Variants in VWF observed in about 807,000 individuals in gnomAD.
VWF encodes Factor VIII related antigen.
In VWF, 176 loss-of-function variants were observed where a neutral mutation model predicts 308.6. The observed-to-expected ratio is 0.57, with a 90% CI of 0.50 to 0.65. The LOEUF is 0.65. Among genes scored for constraint, VWF ranks in the 30% least tolerant of loss-of-function variants. The pLI, the probability that VWF is intolerant of heterozygous loss-of-function variation, is 0.00. For missense variants in VWF, 3,146 were observed against 3,648.2 expected (o/e 0.86, Z 3.55); for synonymous variants, 1,385 against 1,443.4 (o/e 0.96, Z 0.92).
Position 6,060,418 on chromosome 12 carries a change from G to A in VWF, c.1534-2374C>T, listed in dbSNP as rs1944641723. On this transcript the variant is annotated intron_variant, in intron 13 of 51. Coordinates refer to ENST00000261405, the MANE Select transcript of VWF (RefSeq NM_000552.5). This position sits in a 1 kb window ranked among gnomAD's most constrained non-coding sequence, Gnocchi z 5.1. ...CTGCACCTCCTCTTGCACCGCCTCTGCCCCAGCTGGCCTCCCTCCAGCTCT... is the reference window on the plus strand; with the variant it reads ...CTGCACCTCCTCTTGCACCGCCTCTACCCCAGCTGGCCTCCCTCCAGCTCT... 6.6e-6 allele frequency among the ~76,000 whole-genome samples: 1 copy of A among 151,872 alleles called. No individual in the cohort carries two copies. The highest frequency in any genetic ancestry group is 2.1e-4 in the South Asian group (1 of 4,820).
chr12:6,003,723 G>A (rs1423537608), intron 34 of VWF, among the ~76,000 whole-genome samples: 1 of 151,916 alleles, frequency 6.6e-6, no homozygotes, highest in Non-Finnish European at 1.5e-5. Flanking sequence ...ATTGTCTAAT[G>A]AATAAAGCAT....
rs1466660500 is a variant in VWF, at chr12:6,065,397, A to G, written c.1157-124T>C. ...AAAACTGCATGGACGTCCTTTGCCC[A>G]AACCAGTCTAAAAACAAGTTCTACG... On this transcript the variant is annotated intron_variant, in intron 10 of 51. Coordinates refer to ENST00000261405, the MANE Select transcript of VWF (RefSeq NM_000552.5). 3.2e-6 allele frequency: 4 copies of G among 1,258,200 alleles called. No homozygotes were observed. The Admixed American group carries it at 7.9e-5, about 25-fold the overall frequency. 77.9% of individuals were successfully genotyped at this position (1,258,200 alleles called of 1,614,324 possible). A position where few individuals can be genotyped will look rare whatever the true frequency, so the allele number is the denominator to read the frequency against.
At position 5,985,063 on chromosome 12, in the gene VWF, A is replaced by T; in HGVS notation, c.6958T>A (p.Cys2320Ser). ...CACATACCACACTCATACTCGGGGC[A>T]GCACTGGTCTGCATTCTGGCGGAGG... ...ARLRQNADQCCPEYECVCDPV... is the reference protein window; with the variant it reads ...ARLRQNADQCSPEYECVCDPV... The change falls in exon 40 of 52, where the codon TGC becomes AGC. Residue 2320 changes from cysteine (C) to serine (S), a missense_variant. Around this residue, in one of 3 missense-constraint regions of VWF, gnomAD observed 989 missense variants for 1,117.4 expected, o/e 0.89. Coordinates refer to ENST00000261405, the MANE Select transcript of VWF (RefSeq NM_000552.5). The T allele has an allele frequency of 6.2e-7, 1 of 1,614,198 alleles. No homozygotes were observed. Among genetic ancestry groups the T allele is most frequent in the Non-Finnish European group, 8.5e-7 (1 of 1,180,032 alleles).
In VWF at chr12:6,053,527, G is replaced by A. The variant is rs1591887114; in HGVS notation, c.1946-744C>T. ...ACAGCGAAATGGGCTGCACCCATCT[G>A]CCCACAGCCCTCACCCTCCCTAGCC... On this transcript the variant is annotated intron_variant, in intron 15 of 51. Transcript: ENST00000261405. Among the ~76,000 whole-genome samples the A allele has an allele frequency of 2.0e-5, 3 of 152,252 alleles. 1 individual carries two copies. Among genetic ancestry groups the A allele is most frequent in the South Asian group, 4.1e-4 (2 of 4,824 alleles).
rs112387914 is a variant in VWF, at chr12:6,072,156, C to A, written c.1109+175G>T. ...ATTTATCTGTAATATACTCTTTGCT[C>A]CCCATCATTGCCTGCCACACCTGTC... is the stretch of plus-strand genomic sequence containing the variant. On this transcript the variant is annotated intron_variant, in intron 9 of 51. Coordinates refer to ENST00000261405, the MANE Select transcript of VWF (RefSeq NM_000552.5). Among the ~76,000 whole-genome samples the A allele has an allele frequency of 7.4e-3, 1,132 of 152,258 alleles. 16 individuals carry two copies. The highest frequency in any genetic ancestry group is 0.025 in the African/African-American group (1,044 of 41,532).
chr12:5,964,939 G>A (rs1943383363), intron 47 of VWF, among the ~76,000 whole-genome samples: 1 of 152,176 alleles, frequency 6.6e-6, no homozygotes, highest in African/African-American at 2.4e-5. Flanking sequence ...GGAGGAGAGA[G>A]CATGGAAGTG....
chr12:6,072,172 C>T (rs940909500), intron 9 of VWF, among the ~76,000 whole-genome samples, 159 bp downstream of exon 9: 1 of 152,152 alleles, frequency 6.6e-6, no homozygotes, highest in African/African-American at 2.4e-5. Flanking sequence ...CATTGCCTGC[C>T]ACACCTGTCC....
Position 6,025,573 on chromosome 12 carries a change from T to C in VWF, c.3222+7A>G, listed in dbSNP as rs370941418. ...CGTCTGCTTCCCACTACCCTCAAGG[T>C]CCTCACCAGCTTGTTGCAGTCCTGG... On this transcript the variant is annotated splice_region_variant and intron_variant, in intron 24 of 51. Coordinates refer to ENST00000261405, the MANE Select transcript of VWF (RefSeq NM_000552.5). The C allele has an allele frequency of 1.3e-5, 20 of 1,485,282 alleles. No homozygotes were observed. The highest frequency in any genetic ancestry group is 1.8e-5 in the Non-Finnish European group (19 of 1,065,320). 92.0% of individuals were successfully genotyped at this position (1,485,282 alleles called of 1,614,324 possible). A position where few individuals can be genotyped will look rare whatever the true frequency, so the allele number is the denominator to read the frequency against.
At chr12:6,003,404 C>T (rs150534152) in intron 34 of VWF, among the ~76,000 whole-genome samples, 1 of 151,700 alleles carries the variant, frequency 6.6e-6, no homozygotes, top group East Asian at 1.9e-4. Context: ...ATTCAAAGTA[C>T]AGCATTATAA....
rs540514802 is a variant in VWF at position 6,013,231 on chromosome 12, G to A, written c.5620+250C>T. Among the ~76,000 whole-genome samples, 8 of 152,302 alleles carry A rather than the reference G, an allele frequency of 5.3e-5. No homozygotes were observed. The East Asian group carries it at 1.5e-3, about 29-fold the overall frequency. On this transcript the variant is annotated intron_variant, in intron 32 of 51. Transcript: ENST00000261405. The stretch of plus-strand genomic sequence containing the variant: ...AATAAGCTTAGGCTCTCTCTGCCAA[G>A]TTCACATGGACAATTAGAGTGGAAA...
intron 47 of VWF, among the ~76,000 whole-genome samples, chr12:5,963,448 G>T (rs1943341216): frequency 6.6e-6 from 1 of 152,186 alleles, no homozygotes; most frequent in Non-Finnish European, 1.5e-5. Flanking sequence ...AAAAATGCTA[G>T]AAGATATCAC....
intron 43 of VWF, among the ~76,000 whole-genome samples, chr12:5,975,493 GC>G (rs1369513419): frequency 6.6e-6 from 1 of 152,152 alleles, no homozygotes; most frequent in Non-Finnish European, 1.5e-5. Flanking sequence ...AGCCTCAGGG[GC>G]AGCCACCACG....
intron 47 of VWF, among the ~76,000 whole-genome samples, chr12:5,958,641 A>AAG (rs1943277278): frequency 6.6e-6 from 1 of 151,922 alleles, no homozygotes; most frequent in Non-Finnish European, 1.5e-5. Context: ...ATGAGCCATG[A>AAG]TCATACCGCT....
rs565923330 is a variant in VWF at position 6,032,646 on chromosome 12, A to G, written c.2686-1068T>C. 2.0e-5 allele frequency among the ~76,000 whole-genome samples: 3 copies of G among 152,228 alleles called. No homozygotes were observed. The South Asian group carries it at 6.2e-4, about 32-fold the overall frequency. Reference sequence around the variant, plus strand: ...GAGCGAGACTCTGTCTCAAAAAAAAAAAGAAAAAATAAAAACAAGGTGTGA... The same window carrying G: ...GAGCGAGACTCTGTCTCAAAAAAAAGAAGAAAAAATAAAAACAAGGTGTGA... On this transcript the variant is annotated intron_variant, in intron 20 of 51. Transcript: ENST00000261405.
intron 47 of VWF, 74 bp from the exon 48 acceptor site, chr12:5,953,668 G>A: frequency 1.6e-6 from 2 of 1,250,622 alleles, no homozygotes; most frequent in Non-Finnish European, 2.4e-6. Flanking sequence ...GGCTGATTTT[G>A]CTGGCCTCTC....
chr12:5,979,707 G>A (rs1003477756), intron 42 of VWF, among the ~76,000 whole-genome samples: 1 of 150,886 alleles, frequency 6.6e-6, no homozygotes, highest in Non-Finnish European at 1.5e-5. Context: ...CCAAGATCGT[G>A]CCACTGCACT....
chr12:6,038,301 T>C (rs1393134305), intron 18 of VWF, among the ~76,000 whole-genome samples: 1 of 152,184 alleles, frequency 6.6e-6, no homozygotes, highest in Admixed American at 6.5e-5. Flanking sequence ...CACGGATGCC[T>C]TACAGTCAAC....
intron 5 of VWF, among the ~76,000 whole-genome samples, chr12:6,103,110 A>G (rs1325048731): frequency 6.6e-6 from 1 of 152,004 alleles, no homozygotes; most frequent in Admixed American, 6.6e-5. Context: ...GGTGGATCAC[A>G]AGGTCAGGAG....
chr12:6,059,482 A>C, intron 13 of VWF, among the ~76,000 whole-genome samples: 1 of 152,358 alleles, frequency 6.6e-6, no homozygotes, highest in Non-Finnish European at 1.5e-5. Flanking sequence ...CTTATAGACA[A>C]CTGATATTGA....
Sources: allele counts gnomAD v4.1 joint callset (sites outside exome capture counted in the v4.1 genomes callset), GRCh38; gene constraint gnomAD v4.1.1; regional missense constraint gnomAD v4.1.1; non-coding constraint Gnocchi (gnomAD v3.1); transcripts MANE v1.5; gene names NCBI Gene and HGNC (gene_info 2026-07-23, HGNC 2026-07-21).